MSH3: variants seen among roughly 807,000 people sequenced by gnomAD.
The protein encoded by MSH3 is mutS homolog 3.
Under a neutral mutation model 123.3 loss-of-function variants are expected in MSH3, and 106 were observed. That is an observed-to-expected ratio of 0.86 (90% CI 0.73 to 1.01). MSH3 has a LOEUF of 1.01. MSH3 is among the 50% of genes least tolerant of loss of function. The pLI, the probability that MSH3 is intolerant of heterozygous loss-of-function variation, is 0.00. For synonymous variants in MSH3, 515 were observed against 481.4 expected, an observed-to-expected ratio of 1.07 and a Z score of -0.91; for missense variants, 1,459 against 1,347.6, an observed-to-expected ratio of 1.08 and a Z score of -1.29.
chr5:80,741,277 A>G lies in MSH3; in HGVS notation c.1569-187A>G, dbSNP rs143374183. On this transcript the variant is annotated intron_variant, in intron 10 of 23. Transcript: ENST00000265081. ...AACTATCTTTGTCTTGCATCAATCT[A>G]CTTAACAGCACCAGCGTTAATGGAC... Among the ~76,000 whole-genome samples, 37 of 152,044 alleles carry G rather than the reference A, an allele frequency of 2.4e-4. No homozygotes were observed. The East Asian group carries it at 6.4e-3, about 26-fold the overall frequency.
intron 19 of MSH3, among the ~76,000 whole-genome samples, chr5:80,811,508 T>C (rs1351352176): frequency 1.3e-5 from 2 of 152,318 alleles, no homozygotes; most frequent in Middle Eastern, 3.4e-3. Flanking sequence ...GTGAAATTGG[T>C]CTGTAATTTT....
chr5:80,825,740 G>T (rs934042888), intron 20 of MSH3, among the ~76,000 whole-genome samples: 2 of 152,134 alleles, frequency 1.3e-5, no homozygotes, highest in African/African-American at 2.4e-5. Context: ...ATGTTCATTT[G>T]ATGATATTTC....
intron 20 of MSH3, among the ~76,000 whole-genome samples, chr5:80,850,426 G>A (rs1381597379): frequency 5.9e-5 from 9 of 152,094 alleles, no homozygotes; most frequent in African/African-American, 7.2e-5. Context: ...TGACATACCC[G>A]AGGCTGGGCA....
chr5:80,759,584 C>G (rs547863203), intron 12 of MSH3, among the ~76,000 whole-genome samples: 1 of 152,162 alleles, frequency 6.6e-6, no homozygotes, highest in East Asian at 1.9e-4. Flanking sequence ...TTTTTTAGGA[C>G]AATTAAAGAT....
At chr5:80,865,218 A>G (rs1026436227) in intron 22 of MSH3, among the ~76,000 whole-genome samples, 2 of 152,034 alleles carry the variant, frequency 1.3e-5, no homozygotes, top group Non-Finnish European at 2.9e-5. Flanking sequence ...TGGAGGGGGC[A>G]CTTAGGTTTT....
Position 80,873,169 on chromosome 5 carries a change from G to C in MSH3, c.3184G>C (p.Gly1062Arg), listed in dbSNP as rs756886395. 6.2e-7 allele frequency: 1 copy of C among 1,613,834 alleles called. No homozygotes were observed. Among genetic ancestry groups the C allele is most frequent in the Non-Finnish European group, 8.5e-7 (1 of 1,179,804 alleles). ...FVTFLYQITR[G>R]IAARSYGLNV... is the part of the protein sequence containing the mutation. The stretch of plus-strand genomic sequence containing the variant: ...CACCTTCCTTTACCAAATAACTAGA[G>C]GAATTGCAGCAAGGAGTTATGGATT... Residue 1062 changes from glycine to arginine, a missense_variant, in exon 23 of 24, where the codon GGA becomes CGA. Gly to Arg is a moderately radical substitution (Grantham distance 125, BLOSUM62 -2). Coordinates refer to ENST00000265081, the MANE Select transcript of MSH3 (RefSeq NM_002439.5).
rs150236316 is a variant in MSH3, at chr5:80,851,667, T to C, written c.2814-2463T>C. On this transcript the variant is annotated intron_variant, in intron 20 of 23. Transcript: ENST00000265081. ...ATATATGTAAAGCCACCCACTCACC[T>C]GTCCAGAGATTAAATTTCATCTATA... Among the ~76,000 whole-genome samples, 14 of 152,344 alleles carry C rather than the reference T, an allele frequency of 9.2e-5. No individual in the cohort carries two copies. The East Asian group carries it at 1.7e-3, about 19-fold the overall frequency.
At chr5:80,717,339 C>T (rs960938307) in intron 8 of MSH3, among the ~76,000 whole-genome samples, 3 of 152,148 alleles carry the variant, frequency 2.0e-5, no homozygotes, top group African/African-American at 4.8e-5. Context: ...AATCATAGCT[C>T]GTTGCAGCCT....
chr5:80,872,904 AAGAT>A (rs1299676734), intron 22 of MSH3, among the ~76,000 whole-genome samples: 5 of 152,228 alleles, frequency 3.3e-5, no homozygotes, highest in African/African-American at 7.2e-5. Context: ...AGTGAACTAA[AAGAT>A]AGATCCTATA....
intron 17 of MSH3, among the ~76,000 whole-genome samples, chr5:80,781,320 A>G (rs1409388965): frequency 2.0e-5 from 3 of 152,018 alleles, no homozygotes; most frequent in Non-Finnish European, 4.4e-5. Flanking sequence ...AGGTAATTTC[A>G]TGTTCATTCT....
chr5:80,703,448 G>A (rs1268952261), intron 8 of MSH3, among the ~76,000 whole-genome samples: 3 of 152,136 alleles, frequency 2.0e-5, no homozygotes, highest in Non-Finnish European at 2.9e-5. Context: ...GCCTTCCAGA[G>A]AACAGTGGGA....
intron 21 of MSH3, among the ~76,000 whole-genome samples, chr5:80,858,338 C>T (rs1745952932): frequency 6.6e-6 from 1 of 152,152 alleles, no homozygotes; most frequent in African/African-American, 2.4e-5. Context: ...TGTGAGCCAC[C>T]GCTCCTGGCC....
At chr5:80,805,943 A>G (rs1204874591) in intron 19 of MSH3, among the ~76,000 whole-genome samples, 1 of 152,106 alleles carries the variant, frequency 6.6e-6, no homozygotes. Context: ...AGTTGAAGGT[A>G]TCAGTCCTTC....
chr5:80,714,751 C>G (rs1356369992), intron 8 of MSH3, among the ~76,000 whole-genome samples: 1 of 151,788 alleles, frequency 6.6e-6, no homozygotes, highest in Admixed American at 6.6e-5. Context: ...TGTGTTCACT[C>G]TAGGAACTTG....
intron 20 of MSH3, among the ~76,000 whole-genome samples, chr5:80,821,333 T>C (rs572624150): frequency 1.4e-4 from 22 of 152,200 alleles, no homozygotes; most frequent in Non-Finnish European, 2.9e-4. Flanking sequence ...CTCTACTCCA[T>C]TGTGTATTCC....
At chr5:80,869,843 C>T (rs200269181) in intron 22 of MSH3, among the ~76,000 whole-genome samples, 112 of 95,212 alleles carry the variant, frequency 1.2e-3, no homozygotes, top group African/African-American at 4.3e-3. Flanking sequence ...CATATATATA[C>T]ACACACACAC....
intron 19 of MSH3, among the ~76,000 whole-genome samples, chr5:80,798,830 C>T (rs1311913079): frequency 6.6e-6 from 1 of 152,186 alleles, no homozygotes; most frequent in African/African-American, 2.4e-5. Flanking sequence ...TATCTCTTAC[C>T]TGTCTGCATT....
At chr5:80,763,734 G>A (rs1289947055) in intron 13 of MSH3, among the ~76,000 whole-genome samples, 1 of 152,188 alleles carries the variant, frequency 6.6e-6, no homozygotes, top group Non-Finnish European at 1.5e-5. Flanking sequence ...TCATGGGGCT[G>A]TGATTTCTAT....
At chr5:80,743,932 C>G (rs1346238509) in intron 11 of MSH3, among the ~76,000 whole-genome samples, 1 of 151,660 alleles carries the variant, frequency 6.6e-6, no homozygotes, top group Non-Finnish European at 1.5e-5. Flanking sequence ...GGGCTTTGTA[C>G]TACTGTGAAA....
Sources: gnomAD v4.1 joint callset for allele counts (sites outside exome capture counted in the v4.1 genomes callset) on GRCh38, gnomAD v4.1.1 for gene constraint, MANE v1.5 for transcripts, NCBI Gene and HGNC (gene_info 2026-07-23, HGNC 2026-07-21) for gene names.